Variants in FRMD4A observed in about 807,000 individuals in gnomAD.
FRMD4A encodes FERM domain-containing protein 4A.
Under a neutral mutation model 129.1 loss-of-function variants are expected in FRMD4A, and 29 were observed. The observed-to-expected ratio is 0.22, with a 90% CI of 0.17 to 0.31. FRMD4A has a LOEUF of 0.31. FRMD4A is among the 10% of genes least tolerant of loss of function. The pLI is 1.00. For missense variants in FRMD4A, 1,272 were observed against 1,375.8 expected, an observed-to-expected ratio of 0.92 and a Z score of 1.19; for synonymous variants, 634 against 571.6, an observed-to-expected ratio of 1.11 and a Z score of -1.56.
chr10:14,279,894 T>A (rs1007843288), intron 2 of FRMD4A, among the ~76,000 whole-genome samples: 3 of 152,196 alleles, frequency 2.0e-5, no homozygotes, highest in Non-Finnish European at 4.4e-5. Context: ...CCACTCCACA[T>A]TATTGCTGTC....
chr10:14,288,520 C>T (rs949682314), intron 2 of FRMD4A, among the ~76,000 whole-genome samples: 1 of 152,058 alleles, frequency 6.6e-6, no homozygotes, highest in Non-Finnish European at 1.5e-5. Flanking sequence ...GGAAGAAGAG[C>T]GATTTTGCAA....
chr10:13,718,577 C>G (rs2089101545), intron 12 of FRMD4A, among the ~76,000 whole-genome samples: 1 of 152,228 alleles, frequency 6.6e-6, no homozygotes, highest in Non-Finnish European at 1.5e-5. Flanking sequence ...TCTAGACTTT[C>G]TGTCTTTCCA....
chr10:13,701,277 C>T, intron 14 of FRMD4A, 63 bp downstream of exon 14: 1 of 1,518,690 alleles, frequency 6.6e-7, no homozygotes, highest in African/African-American at 1.4e-5. Flanking sequence ...CCATCCGATC[C>T]TCATTCCTAA....
chr10:13,835,274 T>C (rs1400359627), intron 3 of FRMD4A, among the ~76,000 whole-genome samples: 1 of 152,208 alleles, frequency 6.6e-6, no homozygotes, highest in South Asian at 2.1e-4. Context: ...CAACAGTTTA[T>C]CCTACGGTTG....
chr10:13,881,728 C>T lies in FRMD4A; in HGVS notation c.46-22816G>A, dbSNP rs1031459648. ...ATACGGTCCTACCCCTAAAAAGCGA[C>T]GGTGGGAGGCATGTGAACAGGTCGT... On this transcript the variant is annotated intron_variant, in intron 2 of 24. Coordinates refer to ENST00000357447, the MANE Select transcript of FRMD4A (RefSeq NM_018027.5). 4.6e-5 allele frequency among the ~76,000 whole-genome samples: 7 copies of T among 151,922 alleles called. No individual in the cohort carries two copies. In the East Asian group the frequency reaches 5.8e-4, roughly 13 times the overall value.
intron 2 of FRMD4A, among the ~76,000 whole-genome samples, chr10:14,306,188 A>G (rs1040648687): frequency 6.6e-6 from 1 of 152,248 alleles, no homozygotes; most frequent in Non-Finnish European, 1.5e-5. Flanking sequence ...AAAGAAAGAA[A>G]TTCTCTGTTC....
At chr10:13,805,131 G>A (rs910213751) in intron 4 of FRMD4A, among the ~76,000 whole-genome samples, 2 of 151,866 alleles carry the variant, frequency 1.3e-5, no homozygotes, top group Non-Finnish European at 1.5e-5. Flanking sequence ...AAAGCTACTC[G>A]TTTTCTTTTC....
At chr10:13,684,903 T>A in intron 15 of FRMD4A, 1 of 984,722 alleles carries the variant, frequency 1.0e-6, no homozygotes, top group Non-Finnish European at 1.2e-6. Context: ...AGGCGGTATA[T>A]TCCCAGCAGA....
intron 2 of FRMD4A, among the ~76,000 whole-genome samples, chr10:14,276,068 G>T (rs776650093): frequency 1.3e-5 from 2 of 152,088 alleles, no homozygotes; most frequent in Non-Finnish European, 2.9e-5. Context: ...ATGACAGAAT[G>T]AATCAGGAGA....
At chr10:13,823,568 C>T (rs2093659361) in intron 3 of FRMD4A, among the ~76,000 whole-genome samples, 1 of 152,200 alleles carries the variant, frequency 6.6e-6, no homozygotes, top group South Asian at 2.1e-4. Flanking sequence ...CCATGGCCAT[C>T]TGGTCTGCCA....
At chr10:13,943,646 C>CAAAAAAAAAAAAAAAAAAAAAAA (rs55774636) in intron 2 of FRMD4A, among the ~76,000 whole-genome samples, 14 of 58,268 alleles carry the variant, frequency 2.4e-4, no homozygotes, top group Non-Finnish European at 3.1e-4. Context: ...GACTCTGTCT[C>CAAAAAAAAAAAAAAAAAAAAAAA]AAAAAAAAAA....
chr10:14,112,601 C>T (rs2131797527), intron 2 of FRMD4A, among the ~76,000 whole-genome samples: 1 of 152,304 alleles, frequency 6.6e-6, no homozygotes, highest in Middle Eastern at 3.4e-3. Context: ...TCTTGGCTCA[C>T]TGTAACGTCT....
rs148117503 is a variant in FRMD4A at position 13,903,541 on chromosome 10, C to T, written c.46-44629G>A. 8.9e-4 allele frequency among the ~76,000 whole-genome samples: 135 copies of T among 152,126 alleles called. 1 individual carries two copies. The highest frequency in any genetic ancestry group is 2.6e-3 in the Admixed American group (40 of 15,276). On this transcript the variant is annotated intron_variant, in intron 2 of 24. Coordinates refer to ENST00000357447, the MANE Select transcript of FRMD4A (RefSeq NM_018027.5). ...GCCAGGAGTTTGAGACCAGCCTGGGCAACATAGCAAGACTCCAACTCTACA... is the reference window on the plus strand; with the variant it reads ...GCCAGGAGTTTGAGACCAGCCTGGGTAACATAGCAAGACTCCAACTCTACA...
At chr10:13,872,465 T>C (rs1345788927) in intron 2 of FRMD4A, among the ~76,000 whole-genome samples, 1 of 152,270 alleles carries the variant, frequency 6.6e-6, no homozygotes, top group Non-Finnish European at 1.5e-5. Flanking sequence ...ATGTAAGAAA[T>C]ACAGGAGCTG....
intron 15 of FRMD4A, chr10:13,684,926 G>T: frequency 1.0e-6 from 1 of 984,326 alleles, no homozygotes. Flanking sequence ...AGTAAAAGCT[G>T]TAAGGAAAAG....
At chr10:13,962,961 T>C (rs1013099620) in intron 2 of FRMD4A, among the ~76,000 whole-genome samples, 2 of 152,194 alleles carry the variant, frequency 1.3e-5, no homozygotes, top group Admixed American at 1.3e-4. Context: ...AAAGTAAAAA[T>C]TGAGCTGTTA....
chr10:13,669,273 G>C (rs1193200640), intron 17 of FRMD4A, among the ~76,000 whole-genome samples: 1 of 152,098 alleles, frequency 6.6e-6, no homozygotes, highest in East Asian at 1.9e-4. Context: ...TGCTGGCCAG[G>C]CTGGTCTCGA....
chr10:13,796,640 T>C, intron 4 of FRMD4A, 52 bp from the exon 5 acceptor site: 1 of 942,002 alleles, frequency 1.1e-6, no homozygotes, highest in Non-Finnish European at 1.8e-6. Context: ...GCAGAAGTTT[T>C]TTTGGGGTTG....
chr10:13,748,340 T>G (rs1042882420), intron 8 of FRMD4A, among the ~76,000 whole-genome samples: 4 of 152,238 alleles, frequency 2.6e-5, no homozygotes, highest in Non-Finnish European at 5.9e-5. Context: ...TTCTGAAATA[T>G]GACAAATAAA....
Sources: gnomAD v4.1 joint callset for allele counts (sites outside exome capture counted in the v4.1 genomes callset) on GRCh38, gnomAD v4.1.1 for gene constraint, MANE v1.5 for transcripts, NCBI Gene and HGNC (gene_info 2026-07-23, HGNC 2026-07-21) for gene names.